TRPM6: variants seen among roughly 807,000 people sequenced by gnomAD.
TRPM6 encodes the protein transient receptor potential cation channel subfamily M member 6.
TRPM6 carries 111 observed loss-of-function variants against 247.6 expected under a neutral mutation model. The ratio of observed to expected loss-of-function variants is 0.45; its 90% CI spans 0.38 to 0.52. The LOEUF (loss-of-function observed/expected upper bound fraction) is 0.52, where lower values mean the gene tolerates loss of function less well. Among genes scored for constraint, TRPM6 ranks in the 20% least tolerant of loss-of-function variants. TRPM6 has a pLI of 0.00. For missense variants in TRPM6, 2,126 were observed against 2,421.5 expected (o/e 0.88, Z 2.56); for synonymous variants, 892 against 853.8 (o/e 1.04, Z -0.78).
intron 1 of TRPM6, among the ~76,000 whole-genome samples, chr9:74,871,919 C>CTCG: frequency 6.6e-6 from 1 of 151,360 alleles, no homozygotes; most frequent in Admixed American, 6.6e-5. Context: ...GTGGCACAAT[C>CTCG]TCGGCTCACT....
At chr9:74,741,751 G>A (rs1271990246) in intron 33 of TRPM6, among the ~76,000 whole-genome samples, 7 of 152,090 alleles carry the variant, frequency 4.6e-5, no homozygotes, top group East Asian at 1.9e-4. Context: ...TTAGCTGGGC[G>A]TGGTGGTGCA....
chr9:74,846,801 G>A (rs1830124071), intron 3 of TRPM6, among the ~76,000 whole-genome samples: 1 of 152,104 alleles, frequency 6.6e-6, no homozygotes. Context: ...CACCCACTTC[G>A]GCCTTCCAAC....
At chr9:74,764,208 T>C (rs892131408) in intron 25 of TRPM6, among the ~76,000 whole-genome samples, 1 of 152,158 alleles carries the variant, frequency 6.6e-6, no homozygotes, top group Non-Finnish European at 1.5e-5. Context: ...TATCTCTGTA[T>C]GTGGATGAGG....
At chr9:74,869,117 G>A (rs1405919329) in intron 1 of TRPM6, among the ~76,000 whole-genome samples, 1 of 152,134 alleles carries the variant, frequency 6.6e-6, no homozygotes, top group Non-Finnish European at 1.5e-5. Flanking sequence ...AATTTCAAGA[G>A]ATTCAGGAAA....
chr9:74,837,776 G>A (rs538345170), intron 5 of TRPM6, among the ~76,000 whole-genome samples: 2 of 143,242 alleles, frequency 1.4e-5, no homozygotes, highest in East Asian at 2.0e-4. Flanking sequence ...TTTAAGACAG[G>A]GTCTTGCTTT....
chr9:74,765,453 TCA>T, intron 25 of TRPM6, among the ~76,000 whole-genome samples: 1 of 152,170 alleles, frequency 6.6e-6, no homozygotes, highest in East Asian at 1.9e-4. Flanking sequence ...CTCTGGCATA[TCA>T]CATTGTTTTT....
At chr9:74,810,274 T>C (rs772117902) in intron 13 of TRPM6, among the ~76,000 whole-genome samples, 11 of 152,296 alleles carry the variant, frequency 7.2e-5, no homozygotes, top group Non-Finnish European at 1.3e-4. Context: ...AATCAAATAC[T>C]TTAAGTTTGA....
chr9:74,874,240 AC>A (rs148059006), intron 1 of TRPM6, among the ~76,000 whole-genome samples: 6,941 of 85,536 alleles, frequency 0.081, 225 homozygotes, highest in African/African-American at 0.12. Context: ...TGTCTTAAAA[AC>A]AAAAAAAAAA....
chr9:74,870,689 C>G (rs1226743996), intron 1 of TRPM6, among the ~76,000 whole-genome samples: 1 of 152,046 alleles, frequency 6.6e-6, no homozygotes, highest in Non-Finnish European at 1.5e-5. Context: ...TTTGGGAGGC[C>G]GAGGTGGGTG....
chr9:74,767,821 TAA>T (rs1826878397), intron 25 of TRPM6, among the ~76,000 whole-genome samples: 1 of 151,966 alleles, frequency 6.6e-6, no homozygotes, highest in African/African-American at 2.4e-5. Flanking sequence ...ATGAAAAAAT[TAA>T]AAGTTAGCTC....
intron 22 of TRPM6, 49 bp downstream of exon 22, chr9:74,782,630 T>C (rs374495035): frequency 6.3e-6 from 10 of 1,596,838 alleles, no homozygotes; most frequent in South Asian, 1.1e-5. Flanking sequence ...TTTACTCTTG[T>C]TAACTATGAA....
At chr9:74,779,017 C>A (rs1240346249) in intron 23 of TRPM6, among the ~76,000 whole-genome samples, 1 of 152,148 alleles carries the variant, frequency 6.6e-6, no homozygotes, top group Non-Finnish European at 1.5e-5. Context: ...GTGAGCCTTT[C>A]CCCTGAGAGC....
At chr9:74,755,782 T>A (rs1173677063) in intron 27 of TRPM6, among the ~76,000 whole-genome samples, 1 of 152,182 alleles carries the variant, frequency 6.6e-6, no homozygotes, top group Non-Finnish European at 1.5e-5. Context: ...ACCTCTGGAA[T>A]CTCTAATGCA....
intron 14 of TRPM6, 143 bp downstream of exon 14, chr9:74,807,891 T>C (rs989579517): frequency 8.6e-6 from 8 of 934,614 alleles, no homozygotes; most frequent in Admixed American, 1.9e-5. Flanking sequence ...TACAGTATAC[T>C]TCACATACAG....
At chr9:74,803,295 T>TACACAC (rs3056763) in intron 15 of TRPM6, among the ~76,000 whole-genome samples, 12 of 149,424 alleles carry the variant, frequency 8.0e-5, no homozygotes, top group Admixed American at 2.7e-4. Flanking sequence ...AACAATGTTG[T>TACACAC]ACACACACAC....
rs930360471 is a variant in TRPM6 at position 74,724,162 on chromosome 9, A to T, written c.*451T>A. ...GAAAAGACAGAGGAGGAAATCACATAACTTTTTATGAACATATATATAGAC... is the reference window on the plus strand; with the variant it reads ...GAAAAGACAGAGGAGGAAATCACATTACTTTTTATGAACATATATATAGAC... On this transcript the variant is annotated 3_prime_UTR_variant, in exon 39 of 39. Transcript: ENST00000360774. 5 of 193,400 alleles carry T rather than the reference A, an allele frequency of 2.6e-5. No homozygotes were observed. Among genetic ancestry groups the T allele is most frequent in the African/African-American group, 1.2e-4 (5 of 42,508 alleles). 12.0% of individuals were successfully genotyped at this position (193,400 alleles called of 1,614,324 possible).
rs552953658 is a variant in TRPM6, at chr9:74,820,527, G to C, written c.1011-100C>G. ...CCCATCAGCTCCCCAGACTGAAAAG[G>C]TGTCTATGGACAGTTCTGCCAGAAG... On this transcript the variant is annotated intron_variant, in intron 8 of 38. Transcript: ENST00000360774. The C allele has an allele frequency of 2.2e-5, 31 of 1,440,402 alleles. No homozygotes were observed. The African/African-American group carries it at 4.0e-4, about 19-fold the overall frequency. 89.2% of individuals were successfully genotyped at this position (1,440,402 alleles called of 1,614,324 possible).
At chr9:74,787,906 G>A (rs1827753143) in intron 20 of TRPM6, among the ~76,000 whole-genome samples, 1 of 151,886 alleles carries the variant, frequency 6.6e-6, no homozygotes, top group Non-Finnish European at 1.5e-5. Flanking sequence ...TAGTAGAGAC[G>A]GGGTTTCACC....
At chr9:74,788,539 C>A in intron 20 of TRPM6, 75 bp downstream of exon 20, 1 of 1,566,924 alleles carries the variant, frequency 6.4e-7, no homozygotes, top group Non-Finnish European at 8.8e-7. Context: ...ATCACCAGAG[C>A]CAAGGAGTCT....
Sources: allele counts gnomAD v4.1 joint callset (sites outside exome capture counted in the v4.1 genomes callset), GRCh38; gene constraint gnomAD v4.1.1; transcripts MANE v1.5; gene names NCBI Gene and HGNC (gene_info 2026-07-23, HGNC 2026-07-21).